NTRK3: variants seen among roughly 807,000 people sequenced by gnomAD.
NTRK3 encodes the protein NT-3 growth factor receptor.
NTRK3 carries 24 observed loss-of-function variants against 91.7 expected under a neutral mutation model. That is an observed-to-expected ratio of 0.26 (90% CI 0.19 to 0.37). The LOEUF is 0.37. Among genes scored for constraint, NTRK3 ranks in the 10% least tolerant of loss-of-function variants. The pLI is 1.00. For missense variants in NTRK3, 880 were observed against 1,068.9 expected, an observed-to-expected ratio of 0.82 and a Z score of 2.46; for synonymous variants, 483 against 404.0, an observed-to-expected ratio of 1.20 and a Z score of -2.34.
chr15:87,916,098 C>G (rs1286552260), intron 17 of NTRK3, among the ~76,000 whole-genome samples: 2 of 151,902 alleles, frequency 1.3e-5, no homozygotes, highest in Admixed American at 1.3e-4. Flanking sequence ...CTTCTGATTC[C>G]TCCTCCTCCT....
chr15:87,897,767 G>T (rs2066212692), intron 17 of NTRK3, among the ~76,000 whole-genome samples: 1 of 152,088 alleles, frequency 6.6e-6, no homozygotes, highest in African/African-American at 2.4e-5. Context: ...TTTCAAATAA[G>T]ATTGACTTTA....
At chr15:88,060,620 C>A (rs1020251629) in intron 13 of NTRK3, among the ~76,000 whole-genome samples, 1 of 152,104 alleles carries the variant, frequency 6.6e-6, no homozygotes. Context: ...TCCAGAAGAG[C>A]AGGCACTTTG....
intron 14 of NTRK3, among the ~76,000 whole-genome samples, chr15:88,002,271 C>G (rs2076164610): frequency 6.9e-6 from 1 of 145,516 alleles, no homozygotes; most frequent in Non-Finnish European, 1.5e-5. Context: ...CAGGCTCACA[C>G]AGGAGAACTG....
At chr15:88,229,864 A>C (rs1457142974) in intron 3 of NTRK3, among the ~76,000 whole-genome samples, 1 of 152,228 alleles carries the variant, frequency 6.6e-6, no homozygotes, top group Non-Finnish European at 1.5e-5. Flanking sequence ...AGAATTTCTC[A>C]CTGGACTGAC....
At position 88,062,788 on chromosome 15, in the gene NTRK3, T is replaced by C. The variant is rs1407597006; in HGVS notation, c.1397-29743A>G. ...ATTTCTGTCATTGCTTCCATTACTATTTTTGTTAGAAGGGTGAGAACATTG... is the reference window on the plus strand; with the variant it reads ...ATTTCTGTCATTGCTTCCATTACTACTTTTGTTAGAAGGGTGAGAACATTG... On this transcript the variant is annotated intron_variant, in intron 13 of 18. Transcript: ENST00000394480. Among the ~76,000 whole-genome samples the C allele has an allele frequency of 2.6e-5, 4 of 152,258 alleles. No homozygotes were observed. In the East Asian group the frequency reaches 7.7e-4, roughly 29 times the overall value.
chr15:88,256,322 C>T, exon 2 of NTRK3: 1 of 658,028 alleles, frequency 1.5e-6, no homozygotes, highest in Non-Finnish European at 2.7e-6. Context: ...AATCCTTCAG[C>T]GTCTGAAACC....
chr15:87,962,667 T>C (rs1294123319), intron 14 of NTRK3, among the ~76,000 whole-genome samples: 1 of 152,206 alleles, frequency 6.6e-6, no homozygotes, highest in Non-Finnish European at 1.5e-5. Context: ...GAAATGCCTC[T>C]CTCTGAATTG....
At chr15:88,001,064 A>G (rs1223360820) in intron 14 of NTRK3, among the ~76,000 whole-genome samples, 2 of 152,218 alleles carry the variant, frequency 1.3e-5, no homozygotes, top group Admixed American at 1.3e-4. Flanking sequence ...ATAAAATGAT[A>G]TTACAATGTG....
At chr15:87,867,298 A>G (rs965024114) in exon 19 of NTRK3, 1 of 226,878 alleles carries the variant, frequency 4.4e-6, no homozygotes, top group Admixed American at 5.7e-5. Flanking sequence ...GAGATGAGCC[A>G]ATAGGGCTTT....
chr15:88,190,025 C>G (rs1159647761), intron 3 of NTRK3, among the ~76,000 whole-genome samples: 1 of 152,176 alleles, frequency 6.6e-6, no homozygotes, highest in African/African-American at 2.4e-5. Flanking sequence ...AGGAAGTCAA[C>G]AGGGACAAGG....
chr15:88,105,770 T>A (rs1056813389), intron 13 of NTRK3, among the ~76,000 whole-genome samples: 5 of 152,092 alleles, frequency 3.3e-5, no homozygotes, highest in African/African-American at 1.2e-4. Flanking sequence ...ACTAAGCCAG[T>A]GGTGGCCACT....
chr15:87,948,208 T>A (rs1159797527), intron 14 of NTRK3, among the ~76,000 whole-genome samples: 2 of 151,978 alleles, frequency 1.3e-5, no homozygotes, highest in Non-Finnish European at 2.9e-5. Context: ...GACAGAAGAG[T>A]AGAGCATGGC....
intron 13 of NTRK3, among the ~76,000 whole-genome samples, chr15:88,066,382 C>A (rs149804543): frequency 6.6e-6 from 1 of 152,292 alleles, no homozygotes; most frequent in Non-Finnish European, 1.5e-5. Context: ...TTAATGATTG[C>A]AGATCCCCTT....
At chr15:87,894,704 T>A (rs2066021538) in intron 17 of NTRK3, among the ~76,000 whole-genome samples, 1 of 152,158 alleles carries the variant, frequency 6.6e-6, no homozygotes, top group African/African-American at 2.4e-5. Flanking sequence ...GCCCCCCTTC[T>A]CCAACTGTTG....
intron 13 of NTRK3, among the ~76,000 whole-genome samples, chr15:88,107,507 A>G (rs894244660): frequency 1.3e-5 from 2 of 152,150 alleles, no homozygotes; most frequent in African/African-American, 4.8e-5. Flanking sequence ...GCACAGTTTC[A>G]AGAGCTTCTG....
intron 13 of NTRK3, among the ~76,000 whole-genome samples, chr15:88,057,342 C>CA (rs201089622): frequency 0.072 from 10,469 of 146,056 alleles, 445 homozygotes; most frequent in Admixed American, 0.1. Flanking sequence ...ACTAAAAATA[C>CA]AAAAAATTAG....
intron 13 of NTRK3, among the ~76,000 whole-genome samples, chr15:88,094,576 G>A (rs1186975560): frequency 6.8e-6 from 1 of 148,042 alleles, no homozygotes; most frequent in Non-Finnish European, 1.5e-5. Flanking sequence ...TGAGAAGGAA[G>A]AATGAGATCA....
chr15:87,940,376 G>A (rs543448890), intron 15 of NTRK3, among the ~76,000 whole-genome samples: 86 of 152,154 alleles, frequency 5.7e-4, no homozygotes, highest in Admixed American at 3.0e-3. Context: ...AAAGGACCAG[G>A]GTCATTTACA....
At chr15:87,929,110 G>A (rs1567117875) in intron 17 of NTRK3, 81 bp downstream of exon 17, 1 of 1,606,586 alleles carries the variant, frequency 6.2e-7, no homozygotes, top group East Asian at 2.2e-5. Flanking sequence ...CAGAGTGACA[G>A]GGTTAATGGA....
Sources: allele counts gnomAD v4.1 joint callset (sites outside exome capture counted in the v4.1 genomes callset), GRCh38; gene constraint gnomAD v4.1.1; transcripts MANE v1.5; gene names NCBI Gene and HGNC (gene_info 2026-07-23, HGNC 2026-07-21).